Variants in ZNF530 observed in about 807,000 individuals in gnomAD.
ZNF530 encodes the protein zinc finger protein 530.
ZNF530 carries 5 observed loss-of-function variants against 2.8 expected under a neutral mutation model. The ratio of observed to expected loss-of-function variants is 1.80; its 90% confidence interval spans 0.94 to 3.78. The LOEUF is 3.78. ZNF530 is among the 30% of genes most tolerant of loss of function. ZNF530 has a pLI of 0.00. For synonymous variants in ZNF530, 229 were observed against 235.0 expected (o/e 0.97, Z 0.23); for missense variants, 619 against 673.3 (o/e 0.92, Z 0.89).
At chr19:57,610,106 A>T (rs116228128), downstream of ZNF530, among the ~76,000 whole-genome samples, 1,908 of 152,332 alleles carry the variant, frequency 0.013, 43 homozygotes, top group African/African-American at 0.044. Context: ...GTACAACTTG[A>T]TAAGTTCTGA....
In ZNF530 at chr19:57,607,394, G is replaced by C; in HGVS notation, c.*69G>C. Reference sequence around the variant, plus strand: ...GGAATTTTGCTCGTCACCCAGGCTGGAGTGCAATTGTGCAATCTCAGCTCA... The same window carrying C: ...GGAATTTTGCTCGTCACCCAGGCTGCAGTGCAATTGTGCAATCTCAGCTCA... On this transcript the variant is annotated 3_prime_UTR_variant, in exon 4 of 4. Coordinates refer to ENST00000597700, the MANE Select transcript of ZNF530 (RefSeq NM_001321981.2). 1 of 1,465,178 alleles carries C rather than the reference G, an allele frequency of 6.8e-7. No individual in the cohort carries two copies. Among genetic ancestry groups the C allele is most frequent in the Non-Finnish European group, 9.1e-7 (1 of 1,098,662 alleles). 90.8% of individuals were successfully genotyped at this position (1,465,178 alleles called of 1,614,324 possible). A position where few individuals can be genotyped will look rare whatever the true frequency, so the allele number is the denominator to read the frequency against.
In ZNF530 at chr19:57,607,370, G is replaced by A; in HGVS notation, c.*45G>A. 6.6e-7 allele frequency: 1 copy of A among 1,519,558 alleles called. No individual in the cohort carries two copies. Among genetic ancestry groups the A allele is most frequent in the African/African-American group, 1.4e-5 (1 of 70,792 alleles). The allele number at this position is 1,519,558 out of a possible 1,614,324, so 94.1% of individuals were successfully genotyped here. On this transcript the variant is annotated 3_prime_UTR_variant, in exon 4 of 4. Transcript: ENST00000597700. Reference sequence around the variant, plus strand: ...CACTTTTTTTTTTTTTTTTGAGATGGAATTTTGCTCGTCACCCAGGCTGGA... The same window carrying A: ...CACTTTTTTTTTTTTTTTTGAGATGAAATTTTGCTCGTCACCCAGGCTGGA...
Position 57,606,157 on chromosome 19 carries a change from T to G in ZNF530, c.533T>G (p.Leu178Arg). The G allele has an allele frequency of 6.2e-7, 1 of 1,614,184 alleles. No homozygotes were observed. The highest frequency in any genetic ancestry group is 8.5e-7 in the Non-Finnish European group (1 of 1,180,040). ...AGAGTTCCCACTGGACGAAAGCCTC[T>G]CAAATACACTGAATCCAGGAAATCT... The part of the protein sequence containing the change: ...HLRVPTGRKP[L>R]KYTESRKSFR... The change falls in exon 4 of 4, where the codon CTC becomes CGC. Residue 178 changes from leucine to arginine, a missense_variant. Coordinates refer to ENST00000597700, the MANE Select transcript of ZNF530 (RefSeq NM_001321981.2).
chr19:57,611,300 A>C (rs1398813419), downstream of ZNF530, among the ~76,000 whole-genome samples: 1 of 152,186 alleles, frequency 6.6e-6, no homozygotes, highest in Non-Finnish European at 1.5e-5. Context: ...GAGTGAAAGG[A>C]ATCAAAGTAC....
At position 57,606,001 on chromosome 19, in the gene ZNF530, G is replaced by T. The variant is rs571846434; in HGVS notation, c.377G>T (p.Cys126Phe). Reference sequence around the variant, plus strand: ...GACCAGGCCTCATTTATGATGAACTGCAGGTTCCATGTGTCAGGAAAACCC... The same window carrying T: ...GACCAGGCCTCATTTATGATGAACTTCAGGTTCCATGTGTCAGGAAAACCC... ...DGDQASFMMNCRFHVSGKPFT... is the reference protein window; with the variant it reads ...DGDQASFMMNFRFHVSGKPFT... The change falls in exon 4 of 4, where the codon TGC becomes TTC. Residue 126 changes from cysteine to phenylalanine, a missense_variant. By Grantham distance (205) the Cys-to-Phe change is radical. Coordinates refer to ENST00000597700, the MANE Select transcript of ZNF530 (RefSeq NM_001321981.2). 3 of 1,614,184 alleles carry T rather than the reference G, an allele frequency of 1.9e-6. No homozygotes were observed. Among genetic ancestry groups the T allele is most frequent in the East Asian group, 2.2e-5 (1 of 44,884 alleles).
intron 1 of ZNF530, 101 bp downstream of exon 1, chr19:57,600,235 G>A: frequency 7.5e-7 from 1 of 1,327,394 alleles, no homozygotes; most frequent in Non-Finnish European, 1.0e-6. Context: ...CCGGCACAGT[G>A]AGGCGCTGGT....
chr19:57,603,604 G>A (rs1980351970), intron 2 of ZNF530, among the ~76,000 whole-genome samples: 1 of 152,192 alleles, frequency 6.6e-6, no homozygotes, highest in South Asian at 2.1e-4. Context: ...GTTTAGTGCA[G>A]TTACTGTTTA....
intron 2 of ZNF530, among the ~76,000 whole-genome samples, chr19:57,602,332 A>T (rs1430683392): frequency 6.6e-6 from 1 of 152,170 alleles, no homozygotes; most frequent in Non-Finnish European, 1.5e-5. Flanking sequence ...ATCTAAATCT[A>T]ATTACCACCC....
In ZNF530 at chr19:57,600,022, A is replaced by G. The variant is rs1227795827; in HGVS notation, c.-234A>G. On this transcript the variant is annotated 5_prime_UTR_variant, in exon 1 of 4. Transcript: ENST00000597700. The stretch of plus-strand genomic sequence containing the variant: ...TTCTCAGCTGCACAGCCGGGGCCTG[A>G]CGGTCGCCGGCGGTGGTGACAGCTT... 52 of 1,424,540 alleles carry G rather than the reference A, an allele frequency of 3.7e-5. No homozygotes were observed. The highest frequency in any genetic ancestry group is 4.9e-5 in the Non-Finnish European group (52 of 1,060,334). 88.2% of individuals were successfully genotyped at this position (1,424,540 alleles called of 1,614,324 possible).
At chr19:57,604,431 T>C (rs1249921179) in intron 3 of ZNF530, 25 bp downstream of exon 3, 2 of 1,606,252 alleles carry the variant, frequency 1.2e-6, no homozygotes, top group African/African-American at 2.7e-5. Flanking sequence ...TTCCTCCCAG[T>C]TTCCTTTGTG....
At position 57,607,116 on chromosome 19, in the gene ZNF530, A is replaced by T. The variant is rs777232765; in HGVS notation, c.1492A>T (p.Ser498Cys). 1 of 1,613,900 alleles carries T rather than the reference A, an allele frequency of 6.2e-7. No individual in the cohort carries two copies. The highest frequency in any genetic ancestry group is 8.5e-7 in the Non-Finnish European group (1 of 1,179,966). Residue 498 changes from serine (S) to cysteine (C), a missense_variant, in exon 4 of 4, where the codon AGC (serine) becomes TGC (cysteine). By Grantham distance (112) the Ser-to-Cys change is moderately radical (BLOSUM62 -1). Transcript: ENST00000597700. Reference protein sequence around the residue: ...CDECGKSYSQSSALLQHRRVH... With the variant: ...CDECGKSYSQCSALLQHRRVH... ...TGAATGTGGGAAATCCTATAGCCAA[A>T]GCTCTGCCCTCCTTCAGCATAGGAG... is the stretch of plus-strand genomic sequence containing the variant.
In ZNF530 at chr19:57,604,280, GT is replaced by G; in HGVS notation, c.-61del. The stretch of plus-strand genomic sequence containing the variant: ...GAATGAACTGTCCCCATCATAGCAG[GT>G]TTTTGTAGCCTTTGAGGATGTGGCC... On this transcript the variant is annotated 5_prime_UTR_variant, in exon 3 of 4. Transcript: ENST00000597700. 1 of 1,614,116 alleles carries G rather than the reference GT, an allele frequency of 6.2e-7. No individual in the cohort carries two copies. The highest frequency in any genetic ancestry group is 8.5e-7 in the Non-Finnish European group (1 of 1,179,988).
chr19:57,603,015 C>T (rs968676839), intron 2 of ZNF530, among the ~76,000 whole-genome samples: 18 of 152,182 alleles, frequency 1.2e-4, no homozygotes, highest in African/African-American at 4.3e-4. Flanking sequence ...CTCAGCCTCC[C>T]AAGTAGCTGG....
chr19:57,611,940 G>A (rs556622965), downstream of ZNF530, among the ~76,000 whole-genome samples: 4 of 152,148 alleles, frequency 2.6e-5, no homozygotes, highest in African/African-American at 7.2e-5. Flanking sequence ...CCTGTAAATC[G>A]AAGCCAACCA....
chr19:57,611,136 C>T (rs1980860463), downstream of ZNF530, among the ~76,000 whole-genome samples: 1 of 152,154 alleles, frequency 6.6e-6, no homozygotes, highest in African/African-American at 2.4e-5. Flanking sequence ...AGCGTTACTG[C>T]CAGTGATTTT....
intron 1 of ZNF530, 112 bp from the exon 2 acceptor site, chr19:57,600,616 G>A (rs1980188120): frequency 6.4e-6 from 1 of 156,972 alleles, no homozygotes; most frequent in Admixed American, 6.5e-5. Context: ...CTGACACCCA[G>A]ATACAAAGCA....
chr19:57,609,244 A>G lies in ZNF530; in HGVS notation c.*1919A>G, dbSNP rs1980758447. 6.6e-6 allele frequency among the ~76,000 whole-genome samples: 1 copy of G among 150,604 alleles called. No individual in the cohort carries two copies. Among genetic ancestry groups the G allele is most frequent in the Non-Finnish European group, 1.5e-5 (1 of 67,672 alleles). ...TGCTCTGAAGGCTGACGCACCAAGA[A>G]TAGCTTGAACCCGGAAGTGGAGGTT... On this transcript the variant is annotated 3_prime_UTR_variant, in exon 4 of 4. Coordinates refer to ENST00000597700, the MANE Select transcript of ZNF530 (RefSeq NM_001321981.2).
chr19:57,606,421 A>C lies in ZNF530; in HGVS notation c.797A>C (p.Glu266Ala), dbSNP rs1244976808. The C allele has an allele frequency of 6.2e-7, 1 of 1,613,916 alleles. No individual in the cohort carries two copies. The highest frequency in any genetic ancestry group is 1.7e-5 in the Admixed American group (1 of 60,010). The change falls in exon 4 of 4, where the codon GAA (glutamate) becomes GCA (alanine). Residue 266 changes from glutamate to alanine, a missense_variant. By Grantham distance (107) the Glu-to-Ala change is moderately radical. Coordinates refer to ENST00000597700, the MANE Select transcript of ZNF530 (RefSeq NM_001321981.2). The stretch of plus-strand genomic sequence containing the variant: ...GGAGAAAGGCCTTATGACTGCAGTG[A>C]ATGTGGCAAATCCTTTCGCCAGGTA... ...HTGERPYDCS[E>A]CGKSFRQVSV...
intron 2 of ZNF530, among the ~76,000 whole-genome samples, chr19:57,601,452 C>T (rs1980235177): frequency 6.6e-6 from 1 of 152,180 alleles, no homozygotes; most frequent in Non-Finnish European, 1.5e-5. Flanking sequence ...GCTCCATCTA[C>T]TGGGAGAGCC....
Sources: gnomAD v4.1 joint callset for allele counts (sites outside exome capture counted in the v4.1 genomes callset) on GRCh38, gnomAD v4.1.1 for gene constraint, MANE v1.5 for transcripts, NCBI Gene and HGNC (gene_info 2026-07-23, HGNC 2026-07-21) for gene names.